The following RNF17 variants were observed in gnomAD, a reference collection of about 807,000 sequenced individuals.
The protein encoded by RNF17 is ring finger protein 17.
A neutral mutation model predicts 200.5 loss-of-function variants in RNF17; 31 were observed. The ratio of observed to expected loss-of-function variants is 0.15; its 90% CI spans 0.12 to 0.21. The LOEUF (loss-of-function observed/expected upper bound fraction) is 0.21, where lower values mean the gene tolerates loss of function less well. Ranked by LOEUF, RNF17 falls within the 10% of genes least tolerant of loss-of-function variation. The probability of loss-of-function intolerance (pLI) is 1.00; values close to 1 mark genes in which losing one functional copy is unlikely to be tolerated. For missense variants in RNF17, 1,628 were observed against 1,905.1 expected (o/e 0.85, Z 2.71); for synonymous variants, 606 against 637.8 (o/e 0.95, Z 0.75).
chr13:24,777,044 A>G (rs1881673243), intron 3 of RNF17, among the ~76,000 whole-genome samples: 1 of 152,216 alleles, frequency 6.6e-6, no homozygotes, highest in Non-Finnish European at 1.5e-5. Context: ...ATTTATGTCA[A>G]TTATATCTAT....
chr13:24,865,951 G>A (rs1338306584), intron 29 of RNF17, among the ~76,000 whole-genome samples, 193 bp from the exon 30 acceptor site: 1 of 152,166 alleles, frequency 6.6e-6, no homozygotes, highest in Non-Finnish European at 1.5e-5. Context: ...GTGTTAACAT[G>A]TATTTGAGGT....
intron 26 of RNF17, 55 bp from the exon 27 acceptor site, chr13:24,861,213 T>C (rs564416872): frequency 1.4e-6 from 2 of 1,438,916 alleles, no homozygotes; most frequent in African/African-American, 3.0e-5. Context: ...ATTCCTTTTG[T>C]CCCCTAGCTT....
At chr13:24,853,016 C>T (rs777932228) in intron 24 of RNF17, among the ~76,000 whole-genome samples, 4 of 152,168 alleles carry the variant, frequency 2.6e-5, no homozygotes, top group Non-Finnish European at 4.4e-5. Flanking sequence ...TGGGTTCAAG[C>T]GATTCTCGCA....
rs146954089 is a variant in RNF17 at position 24,850,753 on chromosome 13, T to A, written c.3204+310T>A. Among the ~76,000 whole-genome samples the A allele has an allele frequency of 3.9e-5, 6 of 152,332 alleles. No individual in the cohort carries two copies. The East Asian group carries it at 1.2e-3, about 29-fold the overall frequency. ...TGAAGCAGAATATATGTTTTGTAGT[T>A]CTTTTGCTTTTTGTAGGAGAAAAAA... On this transcript the variant is annotated intron_variant, in intron 23 of 35. Transcript: ENST00000255324.
the RNF17 span, among the ~76,000 whole-genome samples, chr13:24,758,369 TATG>T: frequency 6.6e-6 from 1 of 152,226 alleles, no homozygotes; most frequent in Non-Finnish European, 1.5e-5. Flanking sequence ...AAACCCTTTT[TATG>T]ATGATAGACA....
At chr13:24,864,792 C>A in intron 28 of RNF17, 81 bp from the exon 29 acceptor site, 1 of 1,025,772 alleles carries the variant, frequency 9.7e-7, no homozygotes. Context: ...TTGTCAGAAG[C>A]TAAATTTGAT....
intron 33 of RNF17, among the ~76,000 whole-genome samples, chr13:24,875,251 G>A (rs945533437): frequency 6.6e-6 from 1 of 152,092 alleles, no homozygotes; most frequent in African/African-American, 2.4e-5. Flanking sequence ...TAAATTTATG[G>A]TGAAGCTTGG....
chr13:24,767,837 A>G (rs1402635445), intron 2 of RNF17, among the ~76,000 whole-genome samples: 1 of 152,112 alleles, frequency 6.6e-6, no homozygotes. Context: ...TTTTCTATCC[A>G]TTTTATAATT....
chr13:24,843,641 A>G, intron 19 of RNF17, 103 bp from the exon 20 acceptor site: 2 of 701,832 alleles, frequency 2.8e-6, no homozygotes, highest in East Asian at 5.6e-5. Context: ...GAATTTTGAC[A>G]AAATAGTCAT....
chr13:24,850,845 T>G (rs1359458488), intron 23 of RNF17, among the ~76,000 whole-genome samples: 1 of 152,240 alleles, frequency 6.6e-6, no homozygotes, highest in Non-Finnish European at 1.5e-5. Flanking sequence ...AAGAAACTTG[T>G]TAACTGATGT....
chr13:24,797,519 A>G (rs1304597076), intron 11 of RNF17, among the ~76,000 whole-genome samples: 1 of 152,148 alleles, frequency 6.6e-6, no homozygotes, highest in South Asian at 2.1e-4. Context: ...TTTGATGAGA[A>G]AAAAATCAAT....
intron 16 of RNF17, among the ~76,000 whole-genome samples, chr13:24,826,841 A>C (rs1348757536): frequency 2.0e-5 from 3 of 149,432 alleles, no homozygotes; most frequent in Non-Finnish European, 3.0e-5. Flanking sequence ...CAGGCAGATC[A>C]CCTGAGGTCG....
chr13:24,882,187 G>GATAT (rs1439669811), downstream of RNF17: 2 of 8,954 alleles, frequency 2.2e-4, 1 homozygote, highest in South Asian at 0.014. Context: ...CATCTATATA[G>GATAT]ATATATAGAT....
At chr13:24,843,153 C>T (rs1268050529) in intron 19 of RNF17, among the ~76,000 whole-genome samples, 1 of 152,106 alleles carries the variant, frequency 6.6e-6, no homozygotes, top group Non-Finnish European at 1.5e-5. Flanking sequence ...GCTGGAGGAG[C>T]TAGAATCAGG....
At chr13:24,879,351 A>G (rs1895200022) in intron 35 of RNF17, 56 bp downstream of exon 35, 1 of 1,147,642 alleles carries the variant, frequency 8.7e-7, no homozygotes, top group African/African-American at 1.5e-5. Flanking sequence ...GATGAATGCT[A>G]GATTGATCAG....
intron 3 of RNF17, among the ~76,000 whole-genome samples, chr13:24,775,244 T>C (rs1241982874): frequency 1.3e-5 from 2 of 152,150 alleles, no homozygotes; most frequent in Non-Finnish European, 2.9e-5. Flanking sequence ...TTTTAAAAAT[T>C]TTTAAAATTC....
At chr13:24,872,304 T>TA (rs1453473812) in intron 32 of RNF17, among the ~76,000 whole-genome samples, 3 of 152,152 alleles carry the variant, frequency 2.0e-5, no homozygotes, top group African/African-American at 7.2e-5. Flanking sequence ...ACTCTTTAAT[T>TA]AAAATCGCTT....
intron 26 of RNF17, among the ~76,000 whole-genome samples, chr13:24,860,955 G>T (rs1482533093): frequency 6.7e-6 from 1 of 149,512 alleles, no homozygotes; most frequent in African/African-American, 2.5e-5. Flanking sequence ...ACAGCTCATT[G>T]CAGCCTTGAC....
At chr13:24,763,369 ATT>A (rs34750040), upstream of RNF17, among the ~76,000 whole-genome samples, 1,739 of 114,658 alleles carry the variant, frequency 0.015, 21 homozygotes, top group East Asian at 0.043. Context: ...CGTCCGGCTA[ATT>A]TTTTTTTTTT....
Sources: gnomAD v4.1 joint callset for allele counts (sites outside exome capture counted in the v4.1 genomes callset) on GRCh38, gnomAD v4.1.1 for gene constraint, MANE v1.5 for transcripts, NCBI Gene and HGNC (gene_info 2026-07-23, HGNC 2026-07-21) for gene names.